Variants in CD109 observed in about 807,000 individuals in gnomAD.
The protein encoded by CD109 is CD109 antigen.
A neutral mutation model predicts 165.8 loss-of-function variants in CD109; 149 were observed. That is an observed-to-expected ratio of 0.90 (90% CI 0.79 to 1.03). The LOEUF (loss-of-function observed/expected upper bound fraction) is 1.03. Ranked by LOEUF, CD109 falls within the 50% of genes least tolerant of loss-of-function variation. The probability of loss-of-function intolerance (pLI) is 0.00; values close to 1 mark genes in which losing one functional copy is unlikely to be tolerated. For synonymous variants in CD109, 585 were observed against 592.1 expected, an observed-to-expected ratio of 0.99 and a Z score of 0.18; for missense variants, 1,712 against 1,677.8, an observed-to-expected ratio of 1.02 and a Z score of -0.36.
At chr6:73,690,176 G>T in the CD109 span, among the ~76,000 whole-genome samples, 3 of 151,922 alleles carry the variant, frequency 2.0e-5, no homozygotes, top group African/African-American at 7.3e-5. Context: ...TTTCCCTTAA[G>T]AGCTTACTCC....
At chr6:73,699,625 C>G (rs965142096) in intron 2 of CD109, among the ~76,000 whole-genome samples, 4 of 152,090 alleles carry the variant, frequency 2.6e-5, no homozygotes, top group African/African-American at 9.6e-5. Context: ...CTTAGATCTT[C>G]TTTTGGGAGA....
intron 29 of CD109, among the ~76,000 whole-genome samples, chr6:73,813,704 G>A (rs1775830996): frequency 6.6e-6 from 1 of 152,068 alleles, no homozygotes; most frequent in African/African-American, 2.4e-5. Flanking sequence ...CTAAACTGTT[G>A]GAAATAAACT....
chr6:73,779,222 C>G (rs1259896085), intron 15 of CD109, among the ~76,000 whole-genome samples: 2 of 151,730 alleles, frequency 1.3e-5, no homozygotes, highest in African/African-American at 4.8e-5. Context: ...CAAGATTATT[C>G]CATGTTGTAG....
intron 16 of CD109, 96 bp from the exon 17 acceptor site, chr6:73,781,163 G>C: frequency 2.1e-6 from 2 of 930,506 alleles, no homozygotes; most frequent in Non-Finnish European, 3.3e-6. Context: ...TCTCAAAAAT[G>C]AGCACAAGTG....
Position 73,725,504 on chromosome 6 carries a change from C to CTTTTTTTTTTTTTTTTT in CD109, c.276+2230_276+2246dup, listed in dbSNP as rs386407559. Among the ~76,000 whole-genome samples the CTTTTTTTTTTTTTTTTT allele has an allele frequency of 1.6e-4, 14 of 89,434 alleles. 1 individual carries two copies. Among genetic ancestry groups the CTTTTTTTTTTTTTTTTT allele is most frequent in the African/African-American group, 4.3e-4 (9 of 20,762 alleles). 58.7% of individuals were successfully genotyped at this position (89,434 alleles called of 152,430 possible). On this transcript the variant is annotated intron_variant, in intron 3 of 32. Coordinates refer to ENST00000287097, the MANE Select transcript of CD109 (RefSeq NM_133493.5). The stretch of plus-strand genomic sequence containing the variant: ...AACTAGAAATTTGTCTACTACACTT[C>CTTTTTTTTTTTTTTTTT]TTTTTTTTTTTTTTTTTTTTTGAGA...
intron 2 of CD109, among the ~76,000 whole-genome samples, chr6:73,714,365 C>T (rs1663551455): frequency 6.6e-6 from 1 of 152,196 alleles, no homozygotes; most frequent in African/African-American, 2.4e-5. Context: ...GAAGGTCTGG[C>T]CCTTTCGCCC....
chr6:73,819,280 G>A (rs570483649), intron 31 of CD109, among the ~76,000 whole-genome samples: 87 of 152,292 alleles, frequency 5.7e-4, no homozygotes, highest in South Asian at 2.7e-3. Flanking sequence ...ACATAGAATT[G>A]TTACATAACC....
chr6:73,818,891 G>A (rs573002710), intron 31 of CD109, among the ~76,000 whole-genome samples: 4 of 152,194 alleles, frequency 2.6e-5, no homozygotes, highest in African/African-American at 9.7e-5. Context: ...GAGTGCAGTG[G>A]TGCAATCGTA....
chr6:73,792,498 C>A, intron 22 of CD109, 128 bp from the exon 23 acceptor site: 1 of 813,966 alleles, frequency 1.2e-6, no homozygotes, highest in Admixed American at 2.3e-5. Flanking sequence ...CAACTCTGTT[C>A]CAAGCAGTGG....
the CD109 span, among the ~76,000 whole-genome samples, chr6:73,680,967 C>T: frequency 6.6e-6 from 1 of 152,272 alleles, no homozygotes; most frequent in Non-Finnish European, 1.5e-5. Flanking sequence ...CATACATGGA[C>T]ACGTCTAGCT....
At chr6:73,741,988 T>C (rs1772802039) in intron 5 of CD109, among the ~76,000 whole-genome samples, 1 of 152,190 alleles carries the variant, frequency 6.6e-6, no homozygotes, top group African/African-American at 2.4e-5. Flanking sequence ...GGTTTTTCCC[T>C]CCATTTTTTA....
intron 27 of CD109, among the ~76,000 whole-genome samples, chr6:73,810,460 C>T (rs946903542): frequency 6.6e-6 from 1 of 151,558 alleles, no homozygotes; most frequent in African/African-American, 2.4e-5. Context: ...AAATCAGTTC[C>T]CCATCTGCCA....
At chr6:73,696,181 G>C, upstream of CD109, 1 of 1,539,566 alleles carries the variant, frequency 6.5e-7, no homozygotes, top group Non-Finnish European at 8.7e-7. Context: ...GAACTTCCCC[G>C]GCAGCGGACT....
At chr6:73,753,941 T>A (rs893122557) in intron 5 of CD109, among the ~76,000 whole-genome samples, 1 of 152,232 alleles carries the variant, frequency 6.6e-6, no homozygotes, top group Non-Finnish European at 1.5e-5. Context: ...GTTGAAGGCA[T>A]GCTTTACTAG....
intron 3 of CD109, among the ~76,000 whole-genome samples, chr6:73,725,952 G>T (rs1158658063): frequency 6.6e-6 from 1 of 152,176 alleles, no homozygotes; most frequent in East Asian, 1.9e-4. Context: ...ATATTTTGGA[G>T]TGTATCTCTT....
chr6:73,789,459 A>AT (rs146968538), intron 22 of CD109, among the ~76,000 whole-genome samples: 50 of 147,742 alleles, frequency 3.4e-4, no homozygotes, highest in Admixed American at 1.5e-3. Context: ...CTGTCTGAGC[A>AT]TTTTTTTTTT....
intron 4 of CD109, among the ~76,000 whole-genome samples, chr6:73,731,322 C>T (rs1022246462): frequency 2.0e-5 from 3 of 152,210 alleles, no homozygotes; most frequent in Non-Finnish European, 2.9e-5. Context: ...TGAGCCACTG[C>T]GCCCAGCATG....
chr6:73,708,140 C>G (rs1418481482), intron 2 of CD109, among the ~76,000 whole-genome samples: 2 of 151,828 alleles, frequency 1.3e-5, no homozygotes, highest in South Asian at 2.1e-4. Flanking sequence ...TAATACTATC[C>G]CTTCCCCCTT....
chr6:73,812,545 T>A (rs187998785), intron 29 of CD109, among the ~76,000 whole-genome samples: 1 of 152,146 alleles, frequency 6.6e-6, no homozygotes, highest in African/African-American at 2.4e-5. Context: ...TCCAATATGA[T>A]TCCTGATAAC....
Sources: gnomAD v4.1 joint callset for allele counts (sites outside exome capture counted in the v4.1 genomes callset) on GRCh38, gnomAD v4.1.1 for gene constraint, MANE v1.5 for transcripts, NCBI Gene and HGNC (gene_info 2026-07-23, HGNC 2026-07-21) for gene names.